WASL: variants seen among roughly 807,000 people sequenced by gnomAD.
The protein encoded by WASL is actin nucleation-promoting factor WASL.
WASL carries 20 observed loss-of-function variants against 55.5 expected under a neutral mutation model. The ratio of observed to expected loss-of-function variants is 0.36; its 90% CI spans 0.25 to 0.52. WASL has a LOEUF of 0.52. WASL is among the 20% of genes least tolerant of loss of function. WASL has a pLI of 0.92. For synonymous variants in WASL, 249 were observed against 217.6 expected (o/e 1.14, Z -1.27); for missense variants, 504 against 622.5 (o/e 0.81, Z 2.03).
chr7:123,725,053 C>T (rs1023927310), intron 1 of WASL, among the ~76,000 whole-genome samples: 5 of 152,164 alleles, frequency 3.3e-5, no homozygotes, highest in South Asian at 2.1e-4. Flanking sequence ...CAAAAAACAG[C>T]ATACTAAAGT....
intron 1 of WASL, among the ~76,000 whole-genome samples, chr7:123,711,214 T>C (rs2116792577): frequency 6.6e-6 from 1 of 152,244 alleles, no homozygotes; most frequent in East Asian, 1.9e-4. Flanking sequence ...TAAATATTCA[T>C]GATGTTATAA....
chr7:123,691,133 T>C (rs923898499), intron 9 of WASL, among the ~76,000 whole-genome samples: 4 of 152,226 alleles, frequency 2.6e-5, no homozygotes, highest in Admixed American at 1.3e-4. Flanking sequence ...TCCTATCTAT[T>C]ACCCTCCTTT....
At chr7:123,709,875 T>C (rs1258070746) in intron 1 of WASL, among the ~76,000 whole-genome samples, 3 of 152,142 alleles carry the variant, frequency 2.0e-5, no homozygotes, top group African/African-American at 7.2e-5. Context: ...GCCACGCAGT[T>C]TTAATGCTAT....
Position 123,740,174 on chromosome 7 carries a change from A to G in WASL, c.117+8444T>C, listed in dbSNP as rs115342367. ...TAGTAAAGGAGTTGATTGATAAGAC[A>G]TATATATCTCATACATATGTCAGAT... On this transcript the variant is annotated intron_variant, in intron 1 of 10. Coordinates refer to ENST00000223023, the MANE Select transcript of WASL (RefSeq NM_003941.4). 4.6e-3 allele frequency among the ~76,000 whole-genome samples: 701 copies of G among 152,230 alleles called. 5 individuals carry two copies. Among genetic ancestry groups the G allele is most frequent in the African/African-American group, 0.016 (678 of 41,536 alleles).
At chr7:123,705,744 T>C (rs1018730969) in intron 4 of WASL, among the ~76,000 whole-genome samples, 1 of 152,210 alleles carries the variant, frequency 6.6e-6, no homozygotes, top group African/African-American at 2.4e-5. Flanking sequence ...CACACTAAAC[T>C]AAGTTCCTTA....
At chr7:123,694,560 T>C (rs564860725) in intron 8 of WASL, among the ~76,000 whole-genome samples, 155 bp downstream of exon 8, 50 of 152,290 alleles carry the variant, frequency 3.3e-4, no homozygotes, top group African/African-American at 1.0e-3. Context: ...AATGAAATAA[T>C]GTTAAGACAC....
At chr7:123,695,351 A>C (rs763938054) in intron 7 of WASL, among the ~76,000 whole-genome samples, 5 of 152,156 alleles carry the variant, frequency 3.3e-5, no homozygotes, top group Admixed American at 2.0e-4. Context: ...CACAAATAAT[A>C]TCTCTTTAAA....
At chr7:123,689,358 AAT>A (rs1803356950) in intron 9 of WASL, among the ~76,000 whole-genome samples, 1 of 152,304 alleles carries the variant, frequency 6.6e-6, no homozygotes, top group South Asian at 2.1e-4. Context: ...TTTCCATCTT[AAT>A]GTATAAGCCA....
chr7:123,748,340 C>T (rs913425144), intron 1 of WASL, among the ~76,000 whole-genome samples: 2 of 152,154 alleles, frequency 1.3e-5, no homozygotes, highest in East Asian at 1.9e-4. Context: ...TAACCAGCAG[C>T]AAGGGCGCGG....
chr7:123,743,206 A>G (rs1005543191), intron 1 of WASL, among the ~76,000 whole-genome samples: 6 of 152,102 alleles, frequency 3.9e-5, no homozygotes, highest in African/African-American at 1.2e-4. Context: ...GGGTAGTGGC[A>G]CACGCCTGTA....
chr7:123,685,673 T>A (rs1461120640), intron 10 of WASL, among the ~76,000 whole-genome samples: 2 of 151,766 alleles, frequency 1.3e-5, no homozygotes, highest in African/African-American at 4.8e-5. Context: ...TCTCACTGTA[T>A]CCTCAACACC....
At chr7:123,704,062 T>A (rs1803630983) in intron 5 of WASL, among the ~76,000 whole-genome samples, 1 of 152,204 alleles carries the variant, frequency 6.6e-6, no homozygotes, top group Non-Finnish European at 1.5e-5. Flanking sequence ...ATTCAATGTT[T>A]TTTAAAAAAT....
In WASL at chr7:123,692,759, G is replaced by A. The variant is rs1056398818; in HGVS notation, c.935C>T (p.Pro312Leu). The A allele has an allele frequency of 1.8e-5, 27 of 1,491,572 alleles. No individual in the cohort carries two copies. The highest frequency in any genetic ancestry group is 2.3e-5 in the Non-Finnish European group (26 of 1,122,132). The allele number at this position is 1,491,572 out of a possible 1,614,324, so 92.4% of individuals were successfully genotyped here. ...AGCTGTGGGAGCTCTTGAAGGTGGT[G>A]GGGGAGGAGCGCCTCTTCCCCTAGC... is the stretch of plus-strand genomic sequence containing the variant. The part of the protein sequence containing the change: ...PPARGRGAPP[P>L]PPSRAPTAAP... The change falls in exon 9 of 11, where the codon CCA becomes CTA. Residue 312 changes from proline to leucine, a missense_variant. Transcript: ENST00000223023.
At chr7:123,707,344 C>T (rs936457865) in intron 2 of WASL, among the ~76,000 whole-genome samples, 5 of 152,154 alleles carry the variant, frequency 3.3e-5, no homozygotes, top group Admixed American at 6.5e-5. Flanking sequence ...AAATTCTTAA[C>T]TTTTGCAGAG....
intron 6 of WASL, 132 bp downstream of exon 6, chr7:123,696,447 T>C: frequency 2.5e-6 from 2 of 796,522 alleles, no homozygotes; most frequent in Non-Finnish European, 3.4e-6. Context: ...AGTACATAGT[T>C]AAAACGGTAT....
intron 8 of WASL, among the ~76,000 whole-genome samples, chr7:123,694,416 G>A (rs936826836): frequency 2.6e-5 from 4 of 152,034 alleles, no homozygotes; most frequent in African/African-American, 9.7e-5. Context: ...AAAATCTGGT[G>A]GTTTATAGGA....
chr7:123,691,289 A>T (rs1562957071), intron 9 of WASL, among the ~76,000 whole-genome samples: 1 of 152,178 alleles, frequency 6.6e-6, no homozygotes, highest in Non-Finnish European at 1.5e-5. Flanking sequence ...AGAACATGTT[A>T]TAAAAGGCTC....
At chr7:123,714,328 T>C (rs1277529727) in intron 1 of WASL, among the ~76,000 whole-genome samples, 1 of 152,040 alleles carries the variant, frequency 6.6e-6, no homozygotes, top group Admixed American at 6.6e-5. Flanking sequence ...TGGTAATTTC[T>C]ACAATGAGAA....
At position 123,728,625 on chromosome 7, in the gene WASL, A is replaced by C. The variant is rs187938401; in HGVS notation, c.118-19402T>G. Among the ~76,000 whole-genome samples, 375 of 152,270 alleles carry C rather than the reference A, an allele frequency of 2.5e-3. 3 individuals are homozygous for C. Among genetic ancestry groups the C allele is most frequent in the African/African-American group, 8.4e-3 (348 of 41,554 alleles). Reference sequence around the variant, plus strand: ...GGGAGGCCGAGGCAGGCAGATCACGAGGTCAGGAGTTCAAGACCAGCCTGT... The same window carrying C: ...GGGAGGCCGAGGCAGGCAGATCACGCGGTCAGGAGTTCAAGACCAGCCTGT... On this transcript the variant is annotated intron_variant, in intron 1 of 10. Coordinates refer to ENST00000223023, the MANE Select transcript of WASL (RefSeq NM_003941.4).
Sources: allele counts gnomAD v4.1 joint callset (sites outside exome capture counted in the v4.1 genomes callset), GRCh38; gene constraint gnomAD v4.1.1; transcripts MANE v1.5; gene names NCBI Gene and HGNC (gene_info 2026-07-23, HGNC 2026-07-21).